ZBTB17: variants seen among roughly 807,000 people sequenced by gnomAD.
The protein encoded by ZBTB17 is zinc finger and BTB domain containing 17.
In ZBTB17, 24 loss-of-function variants were observed where a neutral mutation model predicts 85.1. That is an observed-to-expected ratio of 0.28 (90% CI 0.20 to 0.40). The LOEUF (loss-of-function observed/expected upper bound fraction) is 0.40, where lower values mean the gene tolerates loss of function less well. ZBTB17 is among the 10% of genes least tolerant of loss of function. The pLI, the probability that ZBTB17 is intolerant of heterozygous loss-of-function variation, is 1.00. For missense variants in ZBTB17, 743 were observed against 1,105.1 expected (o/e 0.67, Z 4.65); for synonymous variants, 464 against 460.2 (o/e 1.01, Z -0.11).
chr1:15,969,719 C>T (rs2072572604), intron 2 of ZBTB17: 1 of 482,536 alleles, frequency 2.1e-6, no homozygotes, highest in Non-Finnish European at 4.1e-6. Flanking sequence ...TGGCTCAACA[C>T]CAGGGAGTCT....
chr1:15,961,072 C>G (rs999350389), intron 2 of ZBTB17, among the ~76,000 whole-genome samples: 1 of 150,260 alleles, frequency 6.7e-6, no homozygotes, highest in African/African-American at 2.5e-5. Flanking sequence ...AGTGATTGCA[C>G]CACTGCACTC....
At chr1:15,969,724 G>A (rs1043628423) in intron 2 of ZBTB17, 21 of 482,834 alleles carry the variant, frequency 4.3e-5, no homozygotes, top group African/African-American at 4.1e-4. Context: ...CAACACCAGG[G>A]AGTCTGTGGG....
intron 2 of ZBTB17, among the ~76,000 whole-genome samples, chr1:15,967,288 A>G (rs1174043190): frequency 6.6e-6 from 1 of 151,806 alleles, no homozygotes; most frequent in Non-Finnish European, 1.5e-5. Flanking sequence ...AGTCAGGAAG[A>G]TCGCTTGAGC....
At position 15,951,321 on chromosome 1, in the gene ZBTB17, G is replaced by A. The variant is rs112972731; in HGVS notation, c.-2-2824C>T. Among the ~76,000 whole-genome samples, 6 of 147,478 alleles carry A rather than the reference G, an allele frequency of 4.1e-5. No homozygotes were observed. Among genetic ancestry groups the A allele is most frequent in the African/African-American group, 1.5e-4 (6 of 39,282 alleles). ...AGAGAGAAGAAGGAAGGAAGGAAGG[G>A]AGAGAGGGAGGGAGGGAGGGGCCCT... On this transcript the variant is annotated intron_variant, in intron 2 of 15. Transcript: ENST00000375743. This position sits in a 1 kb window ranked among gnomAD's most constrained non-coding sequence, Gnocchi z 4.1.
chr1:15,957,321 T>A (rs1317579407), intron 2 of ZBTB17, among the ~76,000 whole-genome samples: 2 of 150,166 alleles, frequency 1.3e-5, no homozygotes, highest in African/African-American at 4.9e-5. Context: ...GAAGAGCAGA[T>A]GCAAAAACCC....
chr1:15,947,566 G>GCC (rs2071661085), intron 3 of ZBTB17, among the ~76,000 whole-genome samples: 1 of 151,698 alleles, frequency 6.6e-6, no homozygotes, highest in Non-Finnish European at 1.5e-5. Flanking sequence ...GACAGAGTGT[G>GCC]AATGCCTGCC....
At chr1:15,949,249 G>T (rs2071736957) in intron 2 of ZBTB17, among the ~76,000 whole-genome samples, 1 of 152,146 alleles carries the variant, frequency 6.6e-6, no homozygotes, top group Non-Finnish European at 1.5e-5. Flanking sequence ...AATCCCACAA[G>T]TGAAAATGCT....
At chr1:15,969,789 G>A in intron 2 of ZBTB17, 1 of 525,618 alleles carries the variant, frequency 1.9e-6, no homozygotes, top group Non-Finnish European at 3.7e-6. Context: ...GACGAGAGGG[G>A]ATGTGCATCC....
intron 2 of ZBTB17, among the ~76,000 whole-genome samples, chr1:15,949,491 C>T (rs948213534): frequency 5.9e-5 from 9 of 152,268 alleles, no homozygotes; most frequent in African/African-American, 2.2e-4. Context: ...ACAGATTCAA[C>T]TGGGCACGGC....
intron 2 of ZBTB17, chr1:15,969,881 TAGAC>T (rs2072581901): frequency 8.2e-6 from 5 of 611,666 alleles, no homozygotes; most frequent in Middle Eastern, 3.6e-4. Flanking sequence ...AAATTCCCCT[TAGAC>T]AGACGGAGGC....
At chr1:15,972,520 T>C (rs189021585) in intron 2 of ZBTB17, among the ~76,000 whole-genome samples, 2 of 152,190 alleles carry the variant, frequency 1.3e-5, no homozygotes, top group African/African-American at 2.4e-5. Flanking sequence ...TGCACAAAAA[T>C]CCCACCTTAA....
rs1207019951 is a variant in ZBTB17, at chr1:15,945,071, C to T, written c.793G>A (p.Glu265Lys). Residue 265 changes from glutamate to lysine, a missense_variant, in exon 7 of 16, where the codon GAG becomes AAG. Transcript: ENST00000375743. ...CCCGCTGACTCCTCATTCTCGTTCT[C>T]CTCGGGGGCCTCTCCGTTCTCCAGC... is the stretch of plus-strand genomic sequence containing the variant. ...SQLENGEAPEENENEESAGTD... is the reference protein window; with the variant it reads ...SQLENGEAPEKNENEESAGTD... The T allele has an allele frequency of 6.2e-7, 1 of 1,611,688 alleles. No homozygotes were observed. The highest frequency in any genetic ancestry group is 1.3e-5 in the African/African-American group (1 of 74,908).
Position 15,947,000 on chromosome 1 carries a change from G to C in ZBTB17, c.329C>G (p.Ala110Gly). The change falls in exon 4 of 16, where the codon GCC (alanine) becomes GGC (glycine). Residue 110 changes from alanine to glycine, a missense_variant. Ala to Gly is a moderately conservative substitution (Grantham distance 60). Transcript: ENST00000375743. ...QMQDIITACH[A>G]LKSLAEPATS... ...AGCCGGCTCAGCAAGTGACTTGAGG[G>C]CATGGCAGGCCGTGATGATGTCCTG... The C allele has an allele frequency of 1.2e-6, 2 of 1,614,088 alleles. No individual in the cohort carries two copies. Among genetic ancestry groups the C allele is most frequent in the African/African-American group, 2.7e-5 (2 of 75,068 alleles).
At position 15,951,756 on chromosome 1, in the gene ZBTB17, C is replaced by T. The variant is rs2071851345; in HGVS notation, c.-2-3259G>A. ...CTATTCCTCAGCGACAGGAACCCAG[C>T]AGGACGGCCAGGCTTGGAGGGACAT... On this transcript the variant is annotated intron_variant, in intron 2 of 15. Transcript: ENST00000375743. The surrounding 1 kb of genome is among the most constrained non-coding windows in gnomAD (Gnocchi z 4.1). Among the ~76,000 whole-genome samples, 1 of 152,134 alleles carries T rather than the reference C, an allele frequency of 6.6e-6. No individual in the cohort carries two copies. Among genetic ancestry groups the T allele is most frequent in the South Asian group, 2.1e-4 (1 of 4,832 alleles).
intron 2 of ZBTB17, among the ~76,000 whole-genome samples, chr1:15,954,285 C>T (rs947563476): frequency 1.1e-4 from 17 of 152,262 alleles, no homozygotes; most frequent in African/African-American, 3.9e-4. Flanking sequence ...GAAATGTTAC[C>T]CAGGTTATTA....
Position 15,951,354 on chromosome 1 carries a change from C to G in ZBTB17, c.-2-2857G>C, listed in dbSNP as rs558894936. On this transcript the variant is annotated intron_variant, in intron 2 of 15. Transcript: ENST00000375743. The surrounding 1 kb of genome is among the most constrained non-coding windows in gnomAD (Gnocchi z 4.1). ...GAGGGAGGGAGGGGCCCTGTACCCA[C>G]AGAGAGATCAGCAGCAGCTGAAATG... 1.3e-5 allele frequency among the ~76,000 whole-genome samples: 2 copies of G among 148,738 alleles called. No homozygotes were observed. The highest frequency in any genetic ancestry group is 2.1e-4 in the South Asian group (1 of 4,792).
rs1347226430 is a variant in ZBTB17, at chr1:15,971,521, TACACACACACTATATATATAC to T, written c.-3+1497_-3+1517del. Among the ~76,000 whole-genome samples, 537 of 133,774 alleles carry T rather than the reference TACACACACACTATATATATAC, an allele frequency of 4.0e-3. 5 individuals are homozygous for T. The highest frequency in any genetic ancestry group is 0.016 in the African/African-American group (489 of 30,744). 87.8% of individuals were successfully genotyped at this position (133,774 alleles called of 152,430 possible). A position where few individuals can be genotyped will look rare whatever the true frequency, so the allele number is the denominator to read the frequency against. ...TATATATACACACACACTATATATA[TACACACACACTATATATATAC>T]ACACACACTATATATATACACACAC... On this transcript the variant is annotated intron_variant, in intron 2 of 15. Coordinates refer to ENST00000375743, the MANE Select transcript of ZBTB17 (RefSeq NM_003443.3).
rs191167746 is a variant in ZBTB17, at chr1:15,948,488, A to T, written c.8T>A (p.Phe3Tyr). The part of the protein sequence containing the change: MD[F>Y]PQHSQHVLEQ... ...CAAGACATGCTGGCTGTGCTGGGGAAAGTCCATGGCTGAAGAAAGCCAAAG... is the reference window on the plus strand; with the variant it reads ...CAAGACATGCTGGCTGTGCTGGGGATAGTCCATGGCTGAAGAAAGCCAAAG... Residue 3 changes from phenylalanine to tyrosine, a missense_variant, in exon 3 of 16, where the codon TTT becomes TAT. Physicochemically the swap from Phe to Tyr is conservative, Grantham distance 22 (BLOSUM62 3). Around this residue, in one of 4 missense-constraint regions of ZBTB17, gnomAD observed 74 missense variants for 142.6 expected, o/e 0.52. Coordinates refer to ENST00000375743, the MANE Select transcript of ZBTB17 (RefSeq NM_003443.3). The T allele has an allele frequency of 6.2e-7, 1 of 1,613,580 alleles. No homozygotes were observed. The highest frequency in any genetic ancestry group is 8.5e-7 in the Non-Finnish European group (1 of 1,179,706).
chr1:15,954,777 G>A (rs2071984212), intron 2 of ZBTB17, among the ~76,000 whole-genome samples: 1 of 152,170 alleles, frequency 6.6e-6, no homozygotes, highest in African/African-American at 2.4e-5. Flanking sequence ...ATTAAGCCAG[G>A]AGGTCGAGGC....
Sources: gnomAD v4.1 joint callset for allele counts (sites outside exome capture counted in the v4.1 genomes callset) on GRCh38, gnomAD v4.1.1 for gene constraint, gnomAD v4.1.1 regional missense constraint, Gnocchi (gnomAD v3.1) non-coding constraint, MANE v1.5 for transcripts, NCBI Gene and HGNC (gene_info 2026-07-23, HGNC 2026-07-21) for gene names.